MYO1E: variants seen among roughly 807,000 people sequenced by gnomAD.
The protein encoded by MYO1E is myosin IE, also known as unconventional myosin-Ie.
In MYO1E, 68 loss-of-function variants were observed where a neutral mutation model predicts 151.1. The ratio of observed to expected loss-of-function variants is 0.45; its 90% CI spans 0.37 to 0.55. The LOEUF is 0.55. Ranked by LOEUF, MYO1E falls within the 20% of genes least tolerant of loss-of-function variation. The pLI is 0.00. For missense variants in MYO1E, 1,363 were observed against 1,389.3 expected (o/e 0.98, Z 0.30); for synonymous variants, 601 against 501.7 (o/e 1.20, Z -2.64).
chr15:59,208,176 A>C, intron 14 of MYO1E: 1 of 1,221,294 alleles, frequency 8.2e-7, no homozygotes, highest in Non-Finnish European at 1.1e-6. Context: ...GAATTCCTAA[A>C]AGATGGAAAC....
intron 1 of MYO1E, among the ~76,000 whole-genome samples, chr15:59,293,327 C>A (rs2080430608): frequency 6.6e-6 from 1 of 152,116 alleles, no homozygotes; most frequent in Non-Finnish European, 1.5e-5. Context: ...TGATTATTAA[C>A]TTGAGGTCAG....
intron 1 of MYO1E, among the ~76,000 whole-genome samples, chr15:59,283,151 C>G (rs2080367589): frequency 6.6e-6 from 1 of 151,336 alleles, no homozygotes; most frequent in African/African-American, 2.4e-5. Context: ...CTCAAGGTAG[C>G]TGCGCATGCA....
chr15:59,243,094 C>A (rs1200954148), intron 4 of MYO1E, among the ~76,000 whole-genome samples: 1 of 96,322 alleles, frequency 1.0e-5, no homozygotes, highest in Non-Finnish European at 2.0e-5. Context: ...TTTAATTAGA[C>A]CCTGCTTTTT....
At chr15:59,230,224 T>TG (rs1555412948) in intron 6 of MYO1E, among the ~76,000 whole-genome samples, 12,780 of 126,872 alleles carry the variant, frequency 0.1, 587 homozygotes, top group East Asian at 0.13. Context: ...CAGTGTGTGT[T>TG]TGTGTGTGTG....
chr15:59,151,916 A>AC lies in MYO1E; in HGVS notation c.3080+1673_3080+1674insG, dbSNP rs1446240446. On this transcript the variant is annotated intron_variant, in intron 26 of 27. Coordinates refer to ENST00000288235, the MANE Select transcript of MYO1E (RefSeq NM_004998.4). ...CACACACACACACACACACACACACAAATTAGCCGGGCATGGTGGCAGGCG... is the reference window on the plus strand; with the variant it reads ...CACACACACACACACACACACACACACAATTAGCCGGGCATGGTGGCAGGCG... Among the ~76,000 whole-genome samples, 4 of 151,930 alleles carry AC rather than the reference A, an allele frequency of 2.6e-5. No individual in the cohort carries two copies. The East Asian group carries it at 5.8e-4, about 22-fold the overall frequency.
At chr15:59,329,348 T>C (rs1034716517) in intron 1 of MYO1E, among the ~76,000 whole-genome samples, 3 of 152,176 alleles carry the variant, frequency 2.0e-5, no homozygotes, top group Non-Finnish European at 2.9e-5. Flanking sequence ...TTACCTAACG[T>C]GCCATAGCTA....
chr15:59,323,384 T>A (rs1253127257), intron 1 of MYO1E, among the ~76,000 whole-genome samples: 1 of 151,972 alleles, frequency 6.6e-6, no homozygotes, highest in Non-Finnish European at 1.5e-5. Flanking sequence ...CCAGGCACAG[T>A]GGCTCACACC....
chr15:59,177,806 T>G (rs2079633923), intron 19 of MYO1E, among the ~76,000 whole-genome samples: 1 of 152,244 alleles, frequency 6.6e-6, no homozygotes, highest in Non-Finnish European at 1.5e-5. Context: ...TACTGTGTTC[T>G]ATAAACCAGA....
chr15:59,299,007 G>GA (rs1414579600), intron 1 of MYO1E, among the ~76,000 whole-genome samples: 2 of 152,130 alleles, frequency 1.3e-5, no homozygotes, highest in Admixed American at 6.5e-5. Context: ...TAGATCCTCA[G>GA]AAAAAAAGCC....
intron 3 of MYO1E, among the ~76,000 whole-genome samples, chr15:59,260,635 C>T (rs1417689181): frequency 2.6e-5 from 4 of 152,068 alleles, no homozygotes; most frequent in African/African-American, 9.7e-5. Flanking sequence ...ACTGAAATGG[C>T]TATGGAGCTG....
chr15:59,330,279 A>G (rs1049418620), intron 1 of MYO1E, among the ~76,000 whole-genome samples: 13 of 152,166 alleles, frequency 8.5e-5, no homozygotes, highest in Non-Finnish European at 1.9e-4. Context: ...GGCATTCTCA[A>G]GGTACCTAAT....
intron 16 of MYO1E, among the ~76,000 whole-genome samples, chr15:59,196,052 C>G (rs2079764513): frequency 1.3e-5 from 2 of 152,120 alleles, no homozygotes; most frequent in African/African-American, 4.8e-5. Flanking sequence ...AATGAAGAAT[C>G]ACTTTGCTAA....
At position 59,275,448 on chromosome 15, in the gene MYO1E, C is replaced by A. The variant is rs1157876918; in HGVS notation, c.4-2999G>T. Among the ~76,000 whole-genome samples, 2 of 152,132 alleles carry A rather than the reference C, an allele frequency of 1.3e-5. 1 individual carries two copies. The highest frequency in any genetic ancestry group is 2.9e-5 in the Non-Finnish European group (2 of 68,010). On this transcript the variant is annotated intron_variant, in intron 1 of 27. Coordinates refer to ENST00000288235, the MANE Select transcript of MYO1E (RefSeq NM_004998.4). ...GTCTCCCTTCCCTGTCTCTCCCTCC[C>A]TCTGCCAGGCAATTATAGTTACATA...
At chr15:59,357,527 C>T (rs1313260723) in intron 1 of MYO1E, among the ~76,000 whole-genome samples, 4 of 151,142 alleles carry the variant, frequency 2.6e-5, no homozygotes, top group African/African-American at 9.7e-5. Flanking sequence ...CGGGTTCAAG[C>T]AGTTCTCTTG....
chr15:59,272,723 C>G (rs1378921746), intron 1 of MYO1E, among the ~76,000 whole-genome samples: 2 of 152,192 alleles, frequency 1.3e-5, no homozygotes, highest in Admixed American at 6.5e-5. Flanking sequence ...GAGACAGACC[C>G]ATTTCACAAC....
At chr15:59,334,537 C>G (rs2080717154) in intron 1 of MYO1E, among the ~76,000 whole-genome samples, 1 of 151,632 alleles carries the variant, frequency 6.6e-6, no homozygotes, top group South Asian at 2.1e-4. Flanking sequence ...AAAAATGCTA[C>G]CAAATGTCCT....
intron 1 of MYO1E, among the ~76,000 whole-genome samples, chr15:59,371,261 C>G (rs556344820): frequency 2.6e-5 from 4 of 152,220 alleles, no homozygotes; most frequent in South Asian, 4.2e-4. Context: ...TTCCCTCAGG[C>G]TGCTCACCGG....
intron 6 of MYO1E, among the ~76,000 whole-genome samples, chr15:59,229,753 G>A (rs1466606729): frequency 1.3e-5 from 2 of 151,868 alleles, no homozygotes; most frequent in Non-Finnish European, 2.9e-5. Flanking sequence ...TTTTTAAAGT[G>A]AAATTACTCA....
At position 59,136,247 on chromosome 15, in the gene MYO1E, C is replaced by T. The variant is rs1208291996; in HGVS notation, c.*1133G>A. 1 of 154,992 alleles carries T rather than the reference C, an allele frequency of 6.5e-6. No homozygotes were observed. The highest frequency in any genetic ancestry group is 2.4e-5 in the African/African-American group (1 of 41,484). 9.6% of individuals were successfully genotyped at this position (154,992 alleles called of 1,614,324 possible). On this transcript the variant is annotated 3_prime_UTR_variant, in exon 28 of 28. Coordinates refer to ENST00000288235, the MANE Select transcript of MYO1E (RefSeq NM_004998.4). ...TTTTAATTAGTTTTGTTTGTTTGCT[C>T]CATAAAGACTCTATTTCCAAATAAG...
Sources: allele counts gnomAD v4.1 joint callset (sites outside exome capture counted in the v4.1 genomes callset), GRCh38; gene constraint gnomAD v4.1.1; transcripts MANE v1.5; gene names NCBI Gene and HGNC (gene_info 2026-07-23, HGNC 2026-07-21).